Variants in CNTNAP4 observed in about 807,000 individuals in gnomAD.
CNTNAP4 encodes contactin-associated protein-like 4.
In CNTNAP4, 98 loss-of-function variants were observed where a neutral mutation model predicts 148.4. The ratio of observed to expected loss-of-function variants is 0.66; its 90% CI spans 0.56 to 0.78. The LOEUF (loss-of-function observed/expected upper bound fraction) is 0.78, where lower values mean the gene tolerates loss of function less well. CNTNAP4 is among the 30% of genes least tolerant of loss of function. The pLI, the probability that CNTNAP4 is intolerant of heterozygous loss-of-function variation, is 0.00. For missense variants in CNTNAP4, 1,935 were observed against 1,565.6 expected (o/e 1.24, Z -3.98); for synonymous variants, 730 against 565.1 (o/e 1.29, Z -4.14).
intron 18 of CNTNAP4, among the ~76,000 whole-genome samples, chr16:76,537,851 T>C (rs1267616875): frequency 6.6e-6 from 1 of 151,972 alleles, no homozygotes; most frequent in African/African-American, 2.4e-5. Flanking sequence ...ACAAGCCTGG[T>C]TTGTGTTTGA....
In CNTNAP4 at chr16:76,559,437, T is replaced by C. The variant is rs12598039; in HGVS notation, c.*754T>C. Reference sequence around the variant, plus strand: ...AAGTTTTCCAATTAATTTGCTACCATTGTTTGATGGTGACAGTACTTAAGA... The same window carrying C: ...AAGTTTTCCAATTAATTTGCTACCACTGTTTGATGGTGACAGTACTTAAGA... On this transcript the variant is annotated 3_prime_UTR_variant, in exon 24 of 24. Coordinates refer to ENST00000611870, the MANE Select transcript of CNTNAP4 (RefSeq NM_033401.5). 0.21 allele frequency among the ~76,000 whole-genome samples: 31,837 copies of C among 152,082 alleles called. 4,011 individuals are homozygous for C. The highest frequency in any genetic ancestry group is 0.31 in the Middle Eastern group (89 of 290).
intron 9 of CNTNAP4, among the ~76,000 whole-genome samples, chr16:76,466,441 G>A (rs1390820555): frequency 1.3e-5 from 2 of 152,124 alleles, no homozygotes; most frequent in Admixed American, 6.6e-5. Context: ...AAATGCTTTA[G>A]AAGATGAATA....
At chr16:76,347,636 C>T (rs1023799258) in intron 2 of CNTNAP4, among the ~76,000 whole-genome samples, 12 of 152,166 alleles carry the variant, frequency 7.9e-5, no homozygotes, top group African/African-American at 2.2e-4. Flanking sequence ...GGGTAATATT[C>T]GAGCAAGAGA....
intron 21 of CNTNAP4, among the ~76,000 whole-genome samples, chr16:76,544,420 T>C (rs775799027): frequency 2.0e-5 from 3 of 152,278 alleles, no homozygotes; most frequent in Non-Finnish European, 4.4e-5. Flanking sequence ...CTAGCAGATA[T>C]TGAGAAAGGT....
rs532746054 is a variant in CNTNAP4 at position 76,534,358 on chromosome 16, GT to G, written c.2756-1183del. ...GATTTGGAAGAAACGAAGTGAACATGTTTTAGGAAAAGAGAATTTATATGTA... is the reference window on the plus strand; with the variant it reads ...GATTTGGAAGAAACGAAGTGAACATGTTTAGGAAAAGAGAATTTATATGTA... On this transcript the variant is annotated intron_variant, in intron 17 of 23. Coordinates refer to ENST00000611870, the MANE Select transcript of CNTNAP4 (RefSeq NM_033401.5). Among the ~76,000 whole-genome samples the G allele has an allele frequency of 9.3e-4, 141 of 152,282 alleles. 1 individual carries two copies. Among genetic ancestry groups the G allele is most frequent in the African/African-American group, 3.2e-3 (131 of 41,568 alleles).
intron 3 of CNTNAP4, among the ~76,000 whole-genome samples, chr16:76,416,497 CA>C (rs1241681406): frequency 7.2e-6 from 1 of 139,592 alleles, no homozygotes; most frequent in Non-Finnish European, 1.6e-5. Flanking sequence ...GATAATTTCA[CA>C]TGAAACTTCT....
At chr16:76,360,012 G>A (rs1013124539) in intron 3 of CNTNAP4, among the ~76,000 whole-genome samples, 3 of 152,222 alleles carry the variant, frequency 2.0e-5, no homozygotes, top group Admixed American at 1.3e-4. Flanking sequence ...CAATGAATGG[G>A]TTGGTACCAA....
At chr16:76,515,584 ATG>A (rs1404236222) in intron 15 of CNTNAP4, among the ~76,000 whole-genome samples, 1 of 152,202 alleles carries the variant, frequency 6.6e-6, no homozygotes, top group Non-Finnish European at 1.5e-5. Context: ...TGAGAAATAA[ATG>A]TGTTTTTTAA....
chr16:76,393,175 T>G (rs1344422097), intron 3 of CNTNAP4, among the ~76,000 whole-genome samples: 2 of 152,174 alleles, frequency 1.3e-5, no homozygotes, highest in Non-Finnish European at 2.9e-5. Flanking sequence ...TCTAGCCTTA[T>G]CTTATGGTTG....
intron 3 of CNTNAP4, among the ~76,000 whole-genome samples, chr16:76,375,200 T>A (rs1042559606): frequency 2.0e-5 from 3 of 152,056 alleles, no homozygotes; most frequent in Non-Finnish European, 4.4e-5. Flanking sequence ...GGCGGGTGGA[T>A]AACTTGACGT....
At chr16:76,381,959 T>G (rs866560668) in intron 3 of CNTNAP4, among the ~76,000 whole-genome samples, 10 of 146,232 alleles carry the variant, frequency 6.8e-5, no homozygotes, top group Admixed American at 2.9e-4. Context: ...CTCGGGAGGC[T>G]GAGGCAGGAG....
chr16:76,432,542 GA>G (rs377555299), intron 4 of CNTNAP4: 271 of 152,244 alleles, frequency 1.8e-3, no homozygotes, highest in African/African-American at 5.8e-3. Flanking sequence ...TTACTGGTGG[GA>G]GAAAGAAAGA....
At chr16:76,552,478 A>G (rs1161168806) in intron 21 of CNTNAP4, among the ~76,000 whole-genome samples, 2 of 152,196 alleles carry the variant, frequency 1.3e-5, no homozygotes, top group Non-Finnish European at 2.9e-5. Context: ...TATGTATAAT[A>G]TATTCCTAAG....
intron 1 of CNTNAP4, among the ~76,000 whole-genome samples, chr16:76,297,746 G>C (rs1959466104): frequency 1.3e-5 from 2 of 152,106 alleles, no homozygotes; most frequent in African/African-American, 4.8e-5. Context: ...TCAGCATGCT[G>C]TTTCAGAATA....
intron 3 of CNTNAP4, among the ~76,000 whole-genome samples, chr16:76,375,443 A>G (rs1200738828): frequency 1.3e-5 from 2 of 152,106 alleles, no homozygotes; most frequent in Non-Finnish European, 2.9e-5. Flanking sequence ...AATTTATGAA[A>G]TATATTTATT....
At chr16:76,332,048 G>A (rs1343767104) in intron 2 of CNTNAP4, among the ~76,000 whole-genome samples, 5 of 152,078 alleles carry the variant, frequency 3.3e-5, no homozygotes, top group African/African-American at 4.8e-5. Flanking sequence ...CCTTTTGGCC[G>A]CCCTGGTTTC....
chr16:76,483,770 C>T lies in CNTNAP4; in HGVS notation c.1882+4232C>T, dbSNP rs186506568. 2.6e-5 allele frequency among the ~76,000 whole-genome samples: 4 copies of T among 152,178 alleles called. No homozygotes were observed. In the East Asian group the frequency reaches 5.8e-4, roughly 22 times the overall value. The stretch of plus-strand genomic sequence containing the variant: ...ACAATGTTTCCTTGTTCAGCTCTAA[C>T]GGGGTATGTGAATGTCAGGCAGGCC... On this transcript the variant is annotated intron_variant, in intron 12 of 23. Coordinates refer to ENST00000611870, the MANE Select transcript of CNTNAP4 (RefSeq NM_033401.5).
At chr16:76,312,568 T>C (rs1189494487) in intron 1 of CNTNAP4, among the ~76,000 whole-genome samples, 2 of 152,074 alleles carry the variant, frequency 1.3e-5, no homozygotes, top group South Asian at 2.1e-4. Context: ...GAAGATCAAA[T>C]GGGAAATAAA....
chr16:76,350,152 G>C (rs9940943), intron 2 of CNTNAP4, among the ~76,000 whole-genome samples: 5,444 of 151,970 alleles, frequency 0.036, 305 homozygotes, highest in African/African-American at 0.12. Context: ...ATATTCTTGG[G>C]ATAAAATATA....
Sources: allele counts gnomAD v4.1 joint callset (sites outside exome capture counted in the v4.1 genomes callset), GRCh38; gene constraint gnomAD v4.1.1; transcripts MANE v1.5; gene names NCBI Gene and HGNC (gene_info 2026-07-23, HGNC 2026-07-21).